The following BTBD7 variants were observed in gnomAD, a reference collection of about 807,000 sequenced individuals.
BTBD7 encodes the protein BTB domain containing 7.
In BTBD7, 38 loss-of-function variants were observed where a neutral mutation model predicts 99.9. That is an observed-to-expected ratio of 0.38 (90% CI 0.29 to 0.50). BTBD7 has a LOEUF of 0.50. Among genes scored for constraint, BTBD7 ranks in the 20% least tolerant of loss-of-function variants. The pLI, the probability that BTBD7 is intolerant of heterozygous loss-of-function variation, is 0.93. For missense variants in BTBD7, 1,170 were observed against 1,394.6 expected (o/e 0.84, Z 2.57); for synonymous variants, 520 against 511.4 (o/e 1.02, Z -0.23).
chr14:93,246,297 TTAA>T lies in BTBD7; in HGVS notation c.2122-14_2122-12del. On this transcript the variant is annotated splice_polypyrimidine_tract_variant and intron_variant, in intron 9 of 10. Coordinates refer to ENST00000334746, the MANE Select transcript of BTBD7 (RefSeq NM_001002860.4). ...GAATTTGTGAGGATTCTAAAAAAGA[TTAA>T]AAAAAAAAAAAAAGGACATTTATTA... 7.2e-7 allele frequency: 1 copy of T among 1,379,580 alleles called. No homozygotes were observed. The highest frequency in any genetic ancestry group is 2.0e-4 in the Middle Eastern group (1 of 5,056). 85.5% of individuals were successfully genotyped at this position (1,379,580 alleles called of 1,614,324 possible). A position where few individuals can be genotyped will look rare whatever the true frequency, so the allele number is the denominator to read the frequency against.
At chr14:93,251,364 T>G in intron 8 of BTBD7, 99 bp downstream of exon 8, 1 of 1,231,218 alleles carries the variant, frequency 8.1e-7, no homozygotes, top group Non-Finnish European at 1.1e-6. Context: ...TATTGAAATG[T>G]GGAGAGAATT....
At chr14:93,307,100 G>C (rs1706689138) in intron 1 of BTBD7, among the ~76,000 whole-genome samples, 1 of 152,180 alleles carries the variant, frequency 6.6e-6, no homozygotes, top group Non-Finnish European at 1.5e-5. Flanking sequence ...GTATTTTCTA[G>C]ATTAACAGAA....
intron 7 of BTBD7, among the ~76,000 whole-genome samples, chr14:93,252,396 C>T (rs1194220125): frequency 6.6e-6 from 1 of 151,860 alleles, no homozygotes; most frequent in Non-Finnish European, 1.5e-5. Context: ...AAAAATGTTG[C>T]CTGGGCTGGA....
chr14:93,255,318 G>A (rs868731680), intron 6 of BTBD7, among the ~76,000 whole-genome samples: 1 of 151,958 alleles, frequency 6.6e-6, no homozygotes, highest in Admixed American at 6.6e-5. Context: ...GCTAATTTTT[G>A]TATTTTTTGG....
At chr14:93,332,710 A>C (rs1595353057) in intron 1 of BTBD7, 110 bp downstream of exon 1, 7 of 1,289,442 alleles carry the variant, frequency 5.4e-6, no homozygotes, top group Non-Finnish European at 3.9e-6. Context: ...GCTTGGCCCC[A>C]GCCCCGGCGC....
At chr14:93,262,705 A>C (rs889773305) in intron 4 of BTBD7, among the ~76,000 whole-genome samples, 1 of 152,154 alleles carries the variant, frequency 6.6e-6, no homozygotes, top group Admixed American at 6.5e-5. Context: ...AGTGAAGCAC[A>C]ATCTGTGAAA....
In BTBD7 at chr14:93,245,935, G is replaced by A; in HGVS notation, c.2473C>T (p.Pro825Ser). ...VYLPSVKAAP[P>S]DCTSTAGLGR... ...AGTCCTGCAGTGCTGGTACAATCAG[G>A]CGGTGCAGCTTTCACACTCGGCAAG... Residue 825 changes from proline to serine, a missense_variant, in exon 10 of 11, where the codon CCT becomes TCT. By Grantham distance (74) the Pro-to-Ser change is moderately conservative. Around this residue, in one of 4 missense-constraint regions of BTBD7, gnomAD observed 495 missense variants for 525.9 expected, o/e 0.94. Coordinates refer to ENST00000334746, the MANE Select transcript of BTBD7 (RefSeq NM_001002860.4). 6.2e-7 allele frequency: 1 copy of A among 1,614,160 alleles called. No individual in the cohort carries two copies. Among genetic ancestry groups the A allele is most frequent in the African/African-American group, 1.3e-5 (1 of 75,046 alleles).
chr14:93,275,918 G>A (rs114399148), intron 3 of BTBD7, among the ~76,000 whole-genome samples: 2,887 of 152,236 alleles, frequency 0.019, 84 homozygotes, highest in African/African-American at 0.065. Flanking sequence ...GTCTCTGTCC[G>A]TTTTAATAGT....
At chr14:93,317,174 T>G (rs2053217566) in intron 1 of BTBD7, among the ~76,000 whole-genome samples, 1 of 151,862 alleles carries the variant, frequency 6.6e-6, no homozygotes, top group Admixed American at 6.6e-5. Flanking sequence ...CCCAACTAAT[T>G]TTTTATTTTT....
chr14:93,251,446 C>A lies in BTBD7; in HGVS notation c.1942+17G>T. 6.4e-7 allele frequency: 1 copy of A among 1,560,166 alleles called. No individual in the cohort carries two copies. Among genetic ancestry groups the A allele is most frequent in the Non-Finnish European group, 8.7e-7 (1 of 1,144,508 alleles). On this transcript the variant is annotated intron_variant, in intron 8 of 10. Transcript: ENST00000334746. Reference sequence around the variant, plus strand: ...AAATTATTCATTTAAATATAAACACCCAACATACTGCCTTACCTGGAATTT... The same window carrying A: ...AAATTATTCATTTAAATATAAACACACAACATACTGCCTTACCTGGAATTT...
chr14:93,246,349 A>C (rs908445593), intron 9 of BTBD7, 63 bp from the exon 10 acceptor site: 3 of 1,442,368 alleles, frequency 2.1e-6, no homozygotes, highest in East Asian at 2.4e-5. Context: ...GTGGAAATTT[A>C]TAGGCTGAGA....
intron 8 of BTBD7, 83 bp from the exon 9 acceptor site, chr14:93,248,737 T>C (rs2052340843): frequency 8.1e-7 from 1 of 1,231,348 alleles, no homozygotes; most frequent in Non-Finnish European, 1.1e-6. Flanking sequence ...AAAAAGCATG[T>C]ATTTCATACC....
intron 3 of BTBD7, among the ~76,000 whole-genome samples, chr14:93,290,031 A>C (rs1034114462): frequency 6.6e-6 from 1 of 151,376 alleles, no homozygotes; most frequent in African/African-American, 2.4e-5. Flanking sequence ...TAATTTTTGT[A>C]GTTAGAGACG....
At chr14:93,246,551 A>C (rs900412709) in intron 9 of BTBD7, among the ~76,000 whole-genome samples, 1 of 152,270 alleles carries the variant, frequency 6.6e-6, no homozygotes, top group Non-Finnish European at 1.5e-5. Context: ...ATCTCAGATT[A>C]TGTGATAATG....
chr14:93,255,425 C>A (rs1310300871), intron 6 of BTBD7: 1 of 151,582 alleles, frequency 6.6e-6, no homozygotes, highest in African/African-American at 2.4e-5. Context: ...GGGATTACAG[C>A]GCCTGGCAGA....
rs2052892072 is a variant in BTBD7, at chr14:93,294,079, A to G, written c.941T>C (p.Ile314Thr). The G allele has an allele frequency of 8.7e-6, 14 of 1,613,986 alleles. No homozygotes were observed. The highest frequency in any genetic ancestry group is 1.6e-4 in the Middle Eastern group (1 of 6,084). ...TTTTGGTATAATGGACTCATCTAAT[A>G]TAATTCTTGTGGGAGTCCTCAAAGT... is the stretch of plus-strand genomic sequence containing the variant. Reference protein sequence around the residue: ...DRTLRTPTRIILDESIIPKKY... With the variant: ...DRTLRTPTRITLDESIIPKKY... The change falls in exon 3 of 11, where the codon ATA becomes ACA. Residue 314 changes from isoleucine (I) to threonine (T), a missense_variant. Ile to Thr is a moderately conservative substitution (Grantham distance 89, BLOSUM62 -1). Transcript: ENST00000334746.
intron 5 of BTBD7, among the ~76,000 whole-genome samples, chr14:93,259,471 T>A (rs1436474352): frequency 2.6e-5 from 4 of 152,352 alleles, no homozygotes; most frequent in Non-Finnish European, 5.9e-5. Flanking sequence ...TCTGTCTTGT[T>A]AGAACTCAGC....
chr14:93,271,432 A>G (rs2052599850), intron 3 of BTBD7, among the ~76,000 whole-genome samples: 2 of 152,214 alleles, frequency 1.3e-5, no homozygotes, highest in South Asian at 2.1e-4. Context: ...CATGCAACAT[A>G]AAACAAGATC....
intron 7 of BTBD7, among the ~76,000 whole-genome samples, 191 bp from the exon 8 acceptor site, chr14:93,251,843 GAA>G (rs1261872795): frequency 2.0e-5 from 3 of 152,114 alleles, no homozygotes; most frequent in Admixed American, 6.5e-5. Flanking sequence ...GAGCATCTTT[GAA>G]AAGACACAAC....
Sources: allele counts gnomAD v4.1 joint callset (sites outside exome capture counted in the v4.1 genomes callset), GRCh38; gene constraint gnomAD v4.1.1; regional missense constraint gnomAD v4.1.1; transcripts MANE v1.5; gene names NCBI Gene and HGNC (gene_info 2026-07-23, HGNC 2026-07-21).